Variants in ZNF366 observed in about 807,000 individuals in gnomAD.
ZNF366 encodes zinc finger protein 366, also known as dendritic cell-specific transcript protein.
In ZNF366, 20 loss-of-function variants were observed where a neutral mutation model predicts 47.2. The ratio of observed to expected loss-of-function variants is 0.42; its 90% CI spans 0.30 to 0.62. The LOEUF (loss-of-function observed/expected upper bound fraction) is 0.62. Ranked by LOEUF, ZNF366 falls within the 20% of genes least tolerant of loss-of-function variation. ZNF366 has a pLI of 0.16. For missense variants in ZNF366, 987 were observed against 976.3 expected, an observed-to-expected ratio of 1.01 and a Z score of -0.15; for synonymous variants, 421 against 395.1, an observed-to-expected ratio of 1.07 and a Z score of -0.78.
At chr5:72,488,512 A>G (rs1743940484) in intron 1 of ZNF366, among the ~76,000 whole-genome samples, 1 of 152,224 alleles carries the variant, frequency 6.6e-6, no homozygotes, top group South Asian at 2.1e-4. Context: ...AAGGAAATCT[A>G]TGACACTTGA....
At position 72,494,788 on chromosome 5, in the gene ZNF366, G is replaced by A. The variant is rs140197000; in HGVS notation, c.-15+12463C>T. ...AATTAGAGGTGTTTGGTTTGGTTTC[G>A]TTTGATTTGAAGCAGCAACTCATTT... On this transcript the variant is annotated intron_variant, in intron 1 of 4. Transcript: ENST00000318442. Among the ~76,000 whole-genome samples the A allele has an allele frequency of 4.0e-3, 611 of 152,172 alleles. 8 individuals are homozygous for A. Among genetic ancestry groups the A allele is most frequent in the South Asian group, 0.016 (75 of 4,812 alleles).
chr5:72,482,153 G>C (rs183858335), intron 1 of ZNF366, among the ~76,000 whole-genome samples: 9 of 152,258 alleles, frequency 5.9e-5, no homozygotes, highest in Non-Finnish European at 1.2e-4. Flanking sequence ...TCTTCCAGGA[G>C]TATGAAAATA....
intron 1 of ZNF366, among the ~76,000 whole-genome samples, chr5:72,502,029 G>T (rs576219645): frequency 1.3e-4 from 20 of 152,126 alleles, no homozygotes; most frequent in African/African-American, 4.8e-4. Flanking sequence ...CTCCAGAAAA[G>T]TTTGACTAAC....
intron 1 of ZNF366, among the ~76,000 whole-genome samples, chr5:72,498,293 C>T (rs1426440726): frequency 6.6e-6 from 1 of 151,752 alleles, no homozygotes; most frequent in Non-Finnish European, 1.5e-5. Flanking sequence ...ATTTTTTTCC[C>T]AAATAGCTAC....
In ZNF366 at chr5:72,461,301, C is replaced by G; in HGVS notation, c.196G>C (p.Gly66Arg). ...RYEPPPGDLDGFPGVFEGAGS... is the reference protein window; with the variant it reads ...RYEPPPGDLDRFPGVFEGAGS... Reference sequence around the variant, plus strand: ...GCTCCTTCGAAGACCCCGGGGAACCCATCTAGGTCTCCTGGGGGAGGTTCA... The same window carrying G: ...GCTCCTTCGAAGACCCCGGGGAACCGATCTAGGTCTCCTGGGGGAGGTTCA... Residue 66 changes from glycine (G) to arginine (R), a missense_variant, in exon 2 of 5, where the codon GGG becomes CGG. By Grantham distance (125) the Gly-to-Arg change is moderately radical. Transcript: ENST00000318442. 1 of 1,614,020 alleles carries G rather than the reference C, an allele frequency of 6.2e-7. No individual in the cohort carries two copies. Among genetic ancestry groups the G allele is most frequent in the Non-Finnish European group, 8.5e-7 (1 of 1,180,010 alleles).
chr5:72,506,443 T>C (rs1744319874), intron 1 of ZNF366, among the ~76,000 whole-genome samples: 1 of 152,192 alleles, frequency 6.6e-6, no homozygotes, highest in African/African-American at 2.4e-5. Context: ...TACGCCCTAT[T>C]TGGTGCTTGG....
rs138158587 is a variant in ZNF366 at position 72,460,334 on chromosome 5, C to T, written c.1163G>A (p.Arg388Gln). ...GGAGCAGTTGTACTGGATGGGGCCC[C>T]GGTGCGTGGTGAGGTGTCTCTTCAG... ...AQLKRHLTTH[R>Q]GPIQYNCSEC... is the part of the protein sequence containing the mutation. Residue 388 changes from arginine (R) to glutamine (Q), a missense_variant, in exon 2 of 5, where the codon CGG becomes CAG. By Grantham distance (43) the Arg-to-Gln change is conservative. Transcript: ENST00000318442. 2.8e-4 allele frequency: 449 copies of T among 1,614,102 alleles called. No homozygotes were observed. The highest frequency in any genetic ancestry group is 3.6e-4 in the Non-Finnish European group (427 of 1,180,048).
At chr5:72,463,175 C>T (rs529858618) in intron 1 of ZNF366, among the ~76,000 whole-genome samples, 23 of 152,238 alleles carry the variant, frequency 1.5e-4, no homozygotes, top group South Asian at 6.2e-4. Flanking sequence ...TGGTCCTTGG[C>T]GAGTCGGATA....
In ZNF366 at chr5:72,444,172, C is replaced by G. The variant is rs1410036330; in HGVS notation, c.1819G>C (p.Asp607His). 1.2e-6 allele frequency: 2 copies of G among 1,613,556 alleles called. No homozygotes were observed. The highest frequency in any genetic ancestry group is 1.7e-6 in the Non-Finnish European group (2 of 1,180,044). ...RRAKVPVFQS[D>H]GESAQGSHCH... ...TGGCTGCCCTGGGCACTCTCCCCGT[C>G]TGACTGGAACACCGGCACCTTGGCC... Residue 607 changes from aspartate to histidine, a missense_variant, in exon 5 of 5, where the codon GAC (aspartate) becomes CAC (histidine). By Grantham distance (81) the Asp-to-His change is moderately conservative. Coordinates refer to ENST00000318442, the MANE Select transcript of ZNF366 (RefSeq NM_152625.3).
At chr5:72,496,869 G>T (rs1744121610) in intron 1 of ZNF366, among the ~76,000 whole-genome samples, 1 of 152,068 alleles carries the variant, frequency 6.6e-6, no homozygotes. Flanking sequence ...GTTTTAGTTT[G>T]CATTTTCGTA....
intron 1 of ZNF366, among the ~76,000 whole-genome samples, chr5:72,462,779 G>A (rs138566153): frequency 4.6e-5 from 7 of 152,164 alleles, no homozygotes; most frequent in African/African-American, 7.2e-5. Context: ...TTGAACTCCC[G>A]ATCTCAAGTG....
intron 1 of ZNF366, among the ~76,000 whole-genome samples, chr5:72,505,562 T>C (rs1744305192): frequency 6.6e-6 from 1 of 152,266 alleles, no homozygotes; most frequent in South Asian, 2.1e-4. Context: ...GACTCTGCTG[T>C]CATTTGTTTC....
intron 3 of ZNF366, among the ~76,000 whole-genome samples, chr5:72,453,479 T>G (rs926949639): frequency 6.6e-6 from 1 of 152,162 alleles, no homozygotes; most frequent in African/African-American, 2.4e-5. Context: ...TGGCCCTCCA[T>G]CCCTCTGTCA....
At chr5:72,499,479 C>CTTTTT (rs894702691) in intron 1 of ZNF366, among the ~76,000 whole-genome samples, 35 of 112,170 alleles carry the variant, frequency 3.1e-4, no homozygotes, top group African/African-American at 8.6e-4. Flanking sequence ...GGAATCCTGC[C>CTTTTT]TTTTTTTTTT....
rs537665228 is a variant in ZNF366, at chr5:72,441,922, A to G, written c.*1834T>C. 6.6e-6 allele frequency: 1 copy of G among 152,298 alleles called. No homozygotes were observed. The highest frequency in any genetic ancestry group is 1.9e-4 in the East Asian group (1 of 5,180). 9.4% of individuals were successfully genotyped at this position (152,298 alleles called of 1,614,324 possible). A position where few individuals can be genotyped will look rare whatever the true frequency, so the allele number is the denominator to read the frequency against. The stretch of plus-strand genomic sequence containing the variant: ...ACACCCAGTCAGTATTGCTTTTCTC[A>G]GTGCCAGTGCCTAAGTAAGTCTGAC... On this transcript the variant is annotated 3_prime_UTR_variant, in exon 5 of 5. Coordinates refer to ENST00000318442, the MANE Select transcript of ZNF366 (RefSeq NM_152625.3).
At chr5:72,492,709 T>C (rs1580253244) in intron 1 of ZNF366, among the ~76,000 whole-genome samples, 1 of 152,348 alleles carries the variant, frequency 6.6e-6, no homozygotes, top group Middle Eastern at 3.4e-3. Context: ...TAGCTAAACA[T>C]TGAGCCTGCT....
rs776289238 is a variant in ZNF366, at chr5:72,461,185, G to T, written c.312C>A (p.Asn104Lys). Residue 104 changes from asparagine to lysine, a missense_variant, in exon 2 of 5, where the codon AAC (asparagine) becomes AAA (lysine). Transcript: ENST00000318442. The stretch of plus-strand genomic sequence containing the variant: ...GGAGGTTGGGAAGGCCGTGGTTTTT[G>T]TTCTCCTCTGAGTGGAGGGCGAGGG... The part of the protein sequence containing the change: ...EVTLALHSEE[N>K]KNHGLPNLPL... The T allele has an allele frequency of 6.2e-7, 1 of 1,614,172 alleles. No individual in the cohort carries two copies. The highest frequency in any genetic ancestry group is 1.1e-5 in the South Asian group (1 of 91,084).
At chr5:72,476,969 C>T (rs1268918527) in intron 1 of ZNF366, among the ~76,000 whole-genome samples, 1 of 152,036 alleles carries the variant, frequency 6.6e-6, no homozygotes, top group Non-Finnish European at 1.5e-5. Flanking sequence ...GAAATCACCT[C>T]CATATGCTGG....
intron 3 of ZNF366, among the ~76,000 whole-genome samples, chr5:72,451,491 AT>A (rs1743070001): frequency 6.6e-6 from 1 of 152,186 alleles, no homozygotes; most frequent in African/African-American, 2.4e-5. Flanking sequence ...GATAATAGTC[AT>A]TGTTTCCTAT....
Sources: gnomAD v4.1 joint callset for allele counts (sites outside exome capture counted in the v4.1 genomes callset) on GRCh38, gnomAD v4.1.1 for gene constraint, MANE v1.5 for transcripts, NCBI Gene and HGNC (gene_info 2026-07-23, HGNC 2026-07-21) for gene names.